The following CHL1 variants were observed in gnomAD, a reference collection of about 807,000 sequenced individuals.
CHL1 encodes cell adhesion molecule L1 like, also known as neural cell adhesion molecule L1-like protein.
CHL1 carries 96 observed loss-of-function variants against 141.9 expected under a neutral mutation model. The ratio of observed to expected loss-of-function variants is 0.68; its 90% CI spans 0.57 to 0.80. The LOEUF (loss-of-function observed/expected upper bound fraction) is 0.80. Among genes scored for constraint, CHL1 ranks in the 30% least tolerant of loss-of-function variants. The pLI is 0.00. For missense variants in CHL1, 1,820 were observed against 1,457.2 expected (o/e 1.25, Z -4.05); for synonymous variants, 613 against 502.2 (o/e 1.22, Z -2.95).
chr3:260,670 TG>T (rs1444171984), intron 2 of CHL1, among the ~76,000 whole-genome samples: 14 of 151,968 alleles, frequency 9.2e-5, no homozygotes, highest in African/African-American at 2.9e-4. Flanking sequence ...ACAGCTGGGG[TG>T]TAGTTTGGGA....
At chr3:273,499 C>T (rs1385958904) in intron 2 of CHL1, among the ~76,000 whole-genome samples, 1 of 152,150 alleles carries the variant, frequency 6.6e-6, no homozygotes, top group Admixed American at 6.5e-5. Context: ...TTATTCAAGA[C>T]TTGTTTCCTC....
chr3:257,807 T>G (rs909367029), intron 2 of CHL1, among the ~76,000 whole-genome samples: 4 of 152,326 alleles, frequency 2.6e-5, no homozygotes, highest in Admixed American at 6.5e-5. Flanking sequence ...GATATTTTAA[T>G]TTAAATAGAA....
At chr3:274,174 A>G (rs1695885992) in intron 2 of CHL1, among the ~76,000 whole-genome samples, 1 of 152,086 alleles carries the variant, frequency 6.6e-6, no homozygotes, top group African/African-American at 2.4e-5. Context: ...TGACTAACTA[A>G]CCTATACATC....
At chr3:383,994 G>A (rs954271837) in intron 19 of CHL1, 108 bp downstream of exon 19, 1 of 681,068 alleles carries the variant, frequency 1.5e-6, no homozygotes, top group Admixed American at 2.6e-5. Flanking sequence ...ACAAAGATAA[G>A]ATTTGGAAAT....
chr3:226,399 A>G (rs536987155), intron 1 of CHL1, among the ~76,000 whole-genome samples: 1 of 146,916 alleles, frequency 6.8e-6, no homozygotes, highest in Non-Finnish European at 1.5e-5. Context: ...TATATATTAT[A>G]TAATATATAA....
rs544970804 is a variant in CHL1, at chr3:329,154, G to T, written c.385+800G>T. 2.0e-5 allele frequency among the ~76,000 whole-genome samples: 3 copies of T among 152,022 alleles called. No individual in the cohort carries two copies. The East Asian group carries it at 5.8e-4, about 29-fold the overall frequency. On this transcript the variant is annotated intron_variant, in intron 5 of 27. Transcript: ENST00000256509. The stretch of plus-strand genomic sequence containing the variant: ...ATGACCACCTTTTATATTTTATCAC[G>T]TTTTCCCCCTGTTCTTAATATATCC...
chr3:348,771 T>C (rs1702981025), intron 9 of CHL1, among the ~76,000 whole-genome samples: 1 of 152,236 alleles, frequency 6.6e-6, no homozygotes, highest in African/African-American at 2.4e-5. Context: ...GAGAACGTGA[T>C]CCAGGAGGCA....
rs368380546 is a variant in CHL1 at position 255,612 on chromosome 3, T to C, written c.-95+10920T>C. On this transcript the variant is annotated intron_variant, in intron 2 of 27. Transcript: ENST00000256509. ...ATTTTGGGCAAGTATCTGTGCTCAA[T>C]GGATGCAAGTTGGTATCTAAAATCT... 3.6e-4 allele frequency among the ~76,000 whole-genome samples: 55 copies of C among 152,312 alleles called. No individual in the cohort carries two copies. The East Asian group carries it at 8.1e-3, about 22-fold the overall frequency.
chr3:352,182 G>A (rs1008815489), intron 10 of CHL1, among the ~76,000 whole-genome samples: 4 of 152,070 alleles, frequency 2.6e-5, no homozygotes, highest in Admixed American at 2.6e-4. Flanking sequence ...TAATATACTT[G>A]AGAAATCCTT....
chr3:362,880 A>T (rs1384040534), intron 13 of CHL1, among the ~76,000 whole-genome samples: 1 of 152,184 alleles, frequency 6.6e-6, no homozygotes, highest in East Asian at 1.9e-4. Context: ...CCCATTTAGT[A>T]CCCTGGAGCA....
intron 5 of CHL1, among the ~76,000 whole-genome samples, chr3:331,842 G>T (rs887734217): frequency 1.3e-5 from 2 of 152,146 alleles, no homozygotes; most frequent in Non-Finnish European, 2.9e-5. Context: ...AACCTCTTTA[G>T]TTACCAGAAA....
Position 305,299 on chromosome 3 carries a change from A to G in CHL1, c.-94-14384A>G, listed in dbSNP as rs553696569. Among the ~76,000 whole-genome samples, 3 of 152,284 alleles carry G rather than the reference A, an allele frequency of 2.0e-5. No homozygotes were observed. The South Asian group carries it at 6.2e-4, about 32-fold the overall frequency. Reference sequence around the variant, plus strand: ...TCATTCAGTATATTTCAATGACGACAGTATTATCTTTGGAATCACAAAAAT... The same window carrying G: ...TCATTCAGTATATTTCAATGACGACGGTATTATCTTTGGAATCACAAAAAT... On this transcript the variant is annotated intron_variant, in intron 2 of 27. Transcript: ENST00000256509.
At chr3:221,126 A>G (rs1469999195) in intron 1 of CHL1, among the ~76,000 whole-genome samples, 3 of 152,210 alleles carry the variant, frequency 2.0e-5, no homozygotes, top group Non-Finnish European at 4.4e-5. Context: ...CCTTTCCAGA[A>G]TGAACCAATG....
chr3:251,577 G>A (rs1029271135), intron 2 of CHL1, among the ~76,000 whole-genome samples: 2 of 152,082 alleles, frequency 1.3e-5, no homozygotes, highest in Admixed American at 6.6e-5. Flanking sequence ...AATGGGGGAT[G>A]TTGGATTAAA....
chr3:300,325 T>C (rs1698610950), intron 2 of CHL1, among the ~76,000 whole-genome samples: 1 of 152,144 alleles, frequency 6.6e-6, no homozygotes, highest in African/African-American at 2.4e-5. Flanking sequence ...CTAAAGTTTT[T>C]TGTTTGAGTT....
rs760802973 is a variant in CHL1 at position 399,049 on chromosome 3, C to G, written c.3286C>G (p.Gln1096Glu). 6.2e-7 allele frequency: 1 copy of G among 1,612,634 alleles called. No homozygotes were observed. The highest frequency in any genetic ancestry group is 1.1e-5 in the South Asian group (1 of 91,050). ...YAGLYDDIST[Q>E]GWFIGLMCAI... ...TGGTTTATATGATGACATCTCCACT[C>G]AAGGCTGGTTTATTGGACTGATGTG... The change falls in exon 26 of 28, where the codon CAA (glutamine) becomes GAA (glutamate). Residue 1096 changes from glutamine to glutamate, a missense_variant. Transcript: ENST00000256509.
At chr3:234,658 T>G (rs925389421) in intron 1 of CHL1, among the ~76,000 whole-genome samples, 8 of 152,096 alleles carry the variant, frequency 5.3e-5, no homozygotes, top group Non-Finnish European at 7.4e-5. Flanking sequence ...GAAAGCCACT[T>G]GAGCAAATAC....
chr3:389,339 G>A lies in CHL1; in HGVS notation c.2335G>A (p.Glu779Lys). 1 of 1,614,202 alleles carries A rather than the reference G, an allele frequency of 6.2e-7. No individual in the cohort carries two copies. Among genetic ancestry groups the A allele is most frequent in the Non-Finnish European group, 8.5e-7 (1 of 1,180,036 alleles). The change falls in exon 20 of 28, where the codon GAA becomes AAA. Residue 779 changes from glutamate to lysine, a missense_variant. By Grantham distance (56) the Glu-to-Lys change is moderately conservative (BLOSUM62 1). Coordinates refer to ENST00000256509, the MANE Select transcript of CHL1 (RefSeq NM_006614.4). ...PQGAPVEWEE[E>K]TVTNHTLRVM... ...GGGAGCCCCAGTGGAGTGGGAAGAA[G>A]AAACAGTCACAAACCACACATTGCG...
intron 5 of CHL1, among the ~76,000 whole-genome samples, chr3:339,557 T>G (rs896460320): frequency 6.6e-6 from 1 of 152,192 alleles, no homozygotes; most frequent in African/African-American, 2.4e-5. Flanking sequence ...AACCAAAGTC[T>G]GCCTTCCGAA....
Sources: allele counts gnomAD v4.1 joint callset (sites outside exome capture counted in the v4.1 genomes callset), GRCh38; gene constraint gnomAD v4.1.1; transcripts MANE v1.5; gene names NCBI Gene and HGNC (gene_info 2026-07-23, HGNC 2026-07-21).